Variants in CRTC1 observed in about 807,000 individuals in gnomAD.
CRTC1 encodes the protein CREB-regulated transcription coactivator 1.
A neutral mutation model predicts 66.1 loss-of-function variants in CRTC1; 18 were observed. The observed-to-expected ratio is 0.27, with a 90% CI of 0.19 to 0.40. The LOEUF (loss-of-function observed/expected upper bound fraction) is 0.40. Ranked by LOEUF, CRTC1 falls within the 10% of genes least tolerant of loss-of-function variation. CRTC1 has a pLI of 1.00. For missense variants in CRTC1, 669 were observed against 887.9 expected, an observed-to-expected ratio of 0.75 and a Z score of 3.13; for synonymous variants, 416 against 398.8, an observed-to-expected ratio of 1.04 and a Z score of -0.51.
At position 18,747,466 on chromosome 19, in the gene CRTC1, G is replaced by A. The variant is rs189120054; in HGVS notation, c.443+352G>A. 1.0e-3 allele frequency among the ~76,000 whole-genome samples: 152 copies of A among 152,082 alleles called. 1 individual carries two copies. The highest frequency in any genetic ancestry group is 3.3e-3 in the African/African-American group (137 of 41,486). On this transcript the variant is annotated intron_variant, in intron 4 of 13. Transcript: ENST00000321949. ...AGCCTGGCCAACATGGTGAAACCCC[G>A]TCTCTACTAAAAATACAAAAATTTG...
rs2145838920 is a variant in CRTC1 at position 18,768,432 on chromosome 19, GC to G, written c.1012-51del. The G allele has an allele frequency of 6.6e-7, 1 of 1,517,322 alleles. No homozygotes were observed. The highest frequency in any genetic ancestry group is 9.0e-7 in the Non-Finnish European group (1 of 1,110,096). The allele number at this position is 1,517,322 out of a possible 1,614,324, so 94.0% of individuals were successfully genotyped here. ...TGCCAGGCTATGGGGGCCCGAGGGGGCCAGGCGCTGACAACCAGGGCCCGCC... is the reference window on the plus strand; with the variant it reads ...TGCCAGGCTATGGGGGCCCGAGGGGGCAGGCGCTGACAACCAGGGCCCGCC... On this transcript the variant is annotated intron_variant, in intron 9 of 13. Coordinates refer to ENST00000321949, the MANE Select transcript of CRTC1 (RefSeq NM_015321.3). The surrounding 1 kb of genome is among the most constrained non-coding windows in gnomAD (Gnocchi z 5.6).
At chr19:18,759,859 G>A in intron 7 of CRTC1, 149 bp from the exon 8 acceptor site, 1 of 742,386 alleles carries the variant, frequency 1.3e-6, no homozygotes, top group Non-Finnish European at 2.2e-6. Context: ...GTCTCAGCCT[G>A]GTGCCAGCCA....
chr19:18,765,028 G>GC (rs2145826638), intron 8 of CRTC1, among the ~76,000 whole-genome samples: 1 of 152,344 alleles, frequency 6.6e-6, no homozygotes, highest in Admixed American at 6.5e-5. Context: ...GCCACAGGAT[G>GC]CCCCACACAC....
At chr19:18,700,906 C>G (rs2053120444) in intron 1 of CRTC1, among the ~76,000 whole-genome samples, 1 of 152,256 alleles carries the variant, frequency 6.6e-6, no homozygotes, top group South Asian at 2.1e-4. Flanking sequence ...CTGCGTTACA[C>G]CATTGAGTCC....
At chr19:18,733,170 C>T (rs1218247887) in intron 1 of CRTC1, among the ~76,000 whole-genome samples, 1 of 152,112 alleles carries the variant, frequency 6.6e-6, no homozygotes, top group Non-Finnish European at 1.5e-5. Context: ...CTCCTGTCTT[C>T]CCTTAGTGCC....
chr19:18,777,458 C>T lies in CRTC1; in HGVS notation c.*76C>T. Reference sequence around the variant, plus strand: ...GCCCGGGGACGGCCGTGCTCCGTCCCTCGCCAACGGCCGAGCTTGTGATTC... The same window carrying T: ...GCCCGGGGACGGCCGTGCTCCGTCCTTCGCCAACGGCCGAGCTTGTGATTC... On this transcript the variant is annotated 3_prime_UTR_variant, in exon 14 of 14. Transcript: ENST00000321949. The surrounding 1 kb of genome is among the most constrained non-coding windows in gnomAD (Gnocchi z 5.5). The T allele has an allele frequency of 7.5e-7, 1 of 1,341,098 alleles. No individual in the cohort carries two copies. The highest frequency in any genetic ancestry group is 1.1e-6 in the Non-Finnish European group (1 of 947,712). The allele number at this position is 1,341,098 out of a possible 1,614,324, so 83.1% of individuals were successfully genotyped here.
intron 4 of CRTC1, among the ~76,000 whole-genome samples, chr19:18,749,380 C>T (rs2145759221): frequency 6.6e-6 from 1 of 152,298 alleles, no homozygotes; most frequent in East Asian, 1.9e-4. Context: ...GCTCATACCC[C>T]AAGGCTGGGC....
At chr19:18,738,744 G>A (rs557219992) in intron 1 of CRTC1, among the ~76,000 whole-genome samples, 6 of 152,228 alleles carry the variant, frequency 3.9e-5, no homozygotes, top group Admixed American at 3.3e-4. Flanking sequence ...AGGTTGCAGT[G>A]AGCCGAGATC....
At chr19:18,697,524 G>C (rs746392731) in intron 1 of CRTC1, among the ~76,000 whole-genome samples, 1 of 152,206 alleles carries the variant, frequency 6.6e-6, no homozygotes, top group Non-Finnish European at 1.5e-5. Flanking sequence ...TGGCCAGGCT[G>C]GTCTCCAACT....
chr19:18,742,461 C>T (rs150284881), intron 1 of CRTC1, among the ~76,000 whole-genome samples: 439 of 152,326 alleles, frequency 2.9e-3, no homozygotes, highest in African/African-American at 9.4e-3. Flanking sequence ...GCCATCACCA[C>T]GCTTCTGAGA....
chr19:18,686,445 C>T (rs998959296), intron 1 of CRTC1, among the ~76,000 whole-genome samples: 1 of 152,258 alleles, frequency 6.6e-6, no homozygotes, highest in African/African-American at 2.4e-5. Context: ...GTCAGGAGTT[C>T]GAGACCAGCC....
At chr19:18,702,970 G>A (rs1406899788) in intron 1 of CRTC1, among the ~76,000 whole-genome samples, 5 of 151,332 alleles carry the variant, frequency 3.3e-5, no homozygotes, top group African/African-American at 7.3e-5. Flanking sequence ...TTTTTGAGAT[G>A]GAGTCTCGCT....
Position 18,705,819 on chromosome 19 carries a change from T to C in CRTC1, c.126+21991T>C, listed in dbSNP as rs576215160. On this transcript the variant is annotated intron_variant, in intron 1 of 13. Transcript: ENST00000321949. ...AATATTTTTTTTTTGCAAAAAATGA[T>C]ATTTTGATAGGGATTGTGGTTTTGG... Among the ~76,000 whole-genome samples, 61 of 152,094 alleles carry C rather than the reference T, an allele frequency of 4.0e-4. No individual in the cohort carries two copies. The South Asian group carries it at 0.012, about 31-fold the overall frequency.
chr19:18,764,469 A>G lies in CRTC1; in HGVS notation c.887-935A>G, dbSNP rs189639718. 4.1e-4 allele frequency among the ~76,000 whole-genome samples: 62 copies of G among 152,366 alleles called. 2 individuals carry two copies. The South Asian group carries it at 8.3e-3, about 20-fold the overall frequency. ...CTGTTGCCTGCCTGGCATGGTGCCC[A>G]CAATAACCCAGCCAGCCCCAGCTAC... On this transcript the variant is annotated intron_variant, in intron 8 of 13. Coordinates refer to ENST00000321949, the MANE Select transcript of CRTC1 (RefSeq NM_015321.3).
At chr19:18,758,157 G>C (rs58108288) in intron 6 of CRTC1, among the ~76,000 whole-genome samples, 69,938 of 150,588 alleles carry the variant, frequency 0.46, 18,399 homozygotes, top group East Asian at 0.88. Flanking sequence ...GTCAGGAGAT[G>C]GAGACCCTCC....
intron 10 of CRTC1, among the ~76,000 whole-genome samples, chr19:18,770,268 G>A (rs2054832118): frequency 6.6e-6 from 1 of 152,256 alleles, no homozygotes; most frequent in Admixed American, 6.5e-5. Flanking sequence ...GGTCATAGCA[G>A]TGAGATGCCC....
Position 18,706,182 on chromosome 19 carries a change from C to CTTTTTTTTTTTTTTTTTTT in CRTC1, c.126+22377_126+22395dup. 1.1e-4 allele frequency among the ~76,000 whole-genome samples: 2 copies of CTTTTTTTTTTTTTTTTTTT among 18,720 alleles called. 1 individual carries two copies. Among genetic ancestry groups the CTTTTTTTTTTTTTTTTTTT allele is most frequent in the Non-Finnish European group, 2.2e-4 (2 of 9,218 alleles). The allele number at this position is 18,720 out of a possible 152,430, so 12.3% of individuals were successfully genotyped here. A position where few individuals can be genotyped will look rare whatever the true frequency, so the allele number is the denominator to read the frequency against. ...GGGCTTTCTATTCTATTCCATTGGT[C>CTTTTTTTTTTTTTTTTTTT]TTTTTTTTTTTTTTTTTTTTTTTTT... is the stretch of plus-strand genomic sequence containing the variant. On this transcript the variant is annotated intron_variant, in intron 1 of 13. Coordinates refer to ENST00000321949, the MANE Select transcript of CRTC1 (RefSeq NM_015321.3).
At chr19:18,685,223 G>C (rs977173445) in intron 1 of CRTC1, among the ~76,000 whole-genome samples, 1 of 152,168 alleles carries the variant, frequency 6.6e-6, no homozygotes, top group Non-Finnish European at 1.5e-5. Context: ...TGTTGGTAAT[G>C]ATTGGGAGCT....
chr19:18,779,577 G>C lies in CRTC1; in HGVS notation c.*2195G>C, dbSNP rs1001325470. The stretch of plus-strand genomic sequence containing the variant: ...AATTACAAGCAACCCGCCTGGATGC[G>C]GTTTTCAAAAGAAGGCATTGAGGAC... On this transcript the variant is annotated 3_prime_UTR_variant, in exon 14 of 14. Transcript: ENST00000321949. 9.1e-6 allele frequency: 2 copies of C among 219,800 alleles called. No individual in the cohort carries two copies. The highest frequency in any genetic ancestry group is 4.5e-5 in the African/African-American group (2 of 44,434). 13.6% of individuals were successfully genotyped at this position (219,800 alleles called of 1,614,324 possible). A position where few individuals can be genotyped will look rare whatever the true frequency, so the allele number is the denominator to read the frequency against.
Sources: allele counts gnomAD v4.1 joint callset (sites outside exome capture counted in the v4.1 genomes callset), GRCh38; gene constraint gnomAD v4.1.1; non-coding constraint Gnocchi (gnomAD v3.1); transcripts MANE v1.5; gene names NCBI Gene and HGNC (gene_info 2026-07-23, HGNC 2026-07-21).